LDLRAD2: variants seen among roughly 807,000 people sequenced by gnomAD.
The protein encoded by LDLRAD2 is low-density lipoprotein receptor class A domain-containing protein 2.
LDLRAD2 carries 25 observed loss-of-function variants against 24.9 expected under a neutral mutation model. That is an observed-to-expected ratio of 1.00 (90% CI 0.73 to 1.40). The LOEUF (loss-of-function observed/expected upper bound fraction) is 1.40. Among genes scored for constraint, LDLRAD2 ranks in the 40% most tolerant of loss-of-function variants. The pLI is 0.00. For missense variants in LDLRAD2, 391 were observed against 366.2 expected (o/e 1.07, Z -0.55); for synonymous variants, 182 against 166.7 (o/e 1.09, Z -0.71).
Position 21,824,226 on chromosome 1 carries a change from A to C in LDLRAD2, c.*2011A>C. 1 of 1,613,448 alleles carries C rather than the reference A, an allele frequency of 6.2e-7. No individual in the cohort carries two copies. Among genetic ancestry groups the C allele is most frequent in the Non-Finnish European group, 8.5e-7 (1 of 1,179,722 alleles). On this transcript the variant is annotated 3_prime_UTR_variant, in exon 5 of 5. Transcript: ENST00000344642. The surrounding 1 kb of genome is among the most constrained non-coding windows in gnomAD (Gnocchi z 5.9). ...GTACCTGCAGTCATCCAGGCCCAAG[A>C]AGTATGAGCTGGGGCAGGACCGGGG... is the stretch of plus-strand genomic sequence containing the variant.
chr1:21,816,115 A>AG, intron 3 of LDLRAD2, 41 bp downstream of exon 3: 1 of 1,601,946 alleles, frequency 6.2e-7, no homozygotes, highest in Non-Finnish European at 8.5e-7. Flanking sequence ...GAACAGCTGG[A>AG]GGGAAGCCTG....
intron 3 of LDLRAD2, among the ~76,000 whole-genome samples, chr1:21,818,219 A>T (rs374333816): frequency 2.1e-5 from 3 of 144,810 alleles, no homozygotes; most frequent in Non-Finnish European, 3.0e-5. Context: ...TCCATGTTGG[A>T]CAGGCTGGTC....
chr1:21,823,808 C>A lies in LDLRAD2; in HGVS notation c.*1593C>A, dbSNP rs1230087158. ...GAGTCCCCTCCCTCTGATATCGAGACTCCAGACTCAGAAGTCTGTCCCTGT... is the reference window on the plus strand; with the variant it reads ...GAGTCCCCTCCCTCTGATATCGAGAATCCAGACTCAGAAGTCTGTCCCTGT... On this transcript the variant is annotated 3_prime_UTR_variant, in exon 5 of 5. Coordinates refer to ENST00000344642, the MANE Select transcript of LDLRAD2 (RefSeq NM_001013693.3). The A allele has an allele frequency of 2.0e-6, 2 of 998,046 alleles. No individual in the cohort carries two copies. The highest frequency in any genetic ancestry group is 1.6e-5 in the African/African-American group (1 of 63,404). 61.8% of individuals were successfully genotyped at this position (998,046 alleles called of 1,614,324 possible).
At chr1:21,814,874 G>T in intron 2 of LDLRAD2, 51 bp downstream of exon 2, 1 of 1,402,606 alleles carries the variant, frequency 7.1e-7, no homozygotes, top group South Asian at 1.7e-5. Flanking sequence ...GGCCATGCGG[G>T]ACTGGGGCCA....
intron 3 of LDLRAD2, among the ~76,000 whole-genome samples, chr1:21,818,512 A>G (rs567255732): frequency 6.6e-6 from 1 of 152,326 alleles, no homozygotes; most frequent in African/African-American, 2.4e-5. Flanking sequence ...GTGAAATGCC[A>G]TCTTCATCAC....
intron 3 of LDLRAD2, 140 bp from the exon 4 acceptor site, chr1:21,821,310 A>T: frequency 1.8e-6 from 2 of 1,103,408 alleles, no homozygotes; most frequent in Non-Finnish European, 2.6e-6. Context: ...AGCTAATTGA[A>T]CTCGGCAAGT....
intron 3 of LDLRAD2, among the ~76,000 whole-genome samples, chr1:21,818,232 A>G (rs868357802): frequency 2.7e-5 from 4 of 147,538 alleles, no homozygotes; most frequent in Admixed American, 6.8e-5. Context: ...GGCTGGTCTC[A>G]AACTCCTGAC....
chr1:21,816,715 G>A (rs1462978795), intron 3 of LDLRAD2, among the ~76,000 whole-genome samples: 1 of 152,066 alleles, frequency 6.6e-6, no homozygotes, highest in Non-Finnish European at 1.5e-5. Flanking sequence ...TTGAACAGGG[G>A]TGAAATGCAG....
At chr1:21,814,333 G>A in intron 1 of LDLRAD2, 65 bp from the exon 2 acceptor site, 1 of 1,365,532 alleles carries the variant, frequency 7.3e-7, no homozygotes, top group South Asian at 1.4e-5. Context: ...CACACAGCGG[G>A]CAGGGGACAG....
At position 21,824,605 on chromosome 1, in the gene LDLRAD2, C is replaced by A. The variant is rs760832004; in HGVS notation, c.*2390C>A. On this transcript the variant is annotated 3_prime_UTR_variant, in exon 5 of 5. Coordinates refer to ENST00000344642, the MANE Select transcript of LDLRAD2 (RefSeq NM_001013693.3). The surrounding 1 kb of genome is among the most constrained non-coding windows in gnomAD (Gnocchi z 5.9). ...ACCTCCAGCTCGATGGTCTCGGGCA[C>A]CTCGGGCAGGCTGCGGAGGAAGAGC... 8 of 1,613,970 alleles carry A rather than the reference C, an allele frequency of 5.0e-6. No homozygotes were observed. The highest frequency in any genetic ancestry group is 6.8e-6 in the Non-Finnish European group (8 of 1,180,054).
At chr1:21,816,122 C>G (rs1325036014) in intron 3 of LDLRAD2, 48 bp downstream of exon 3, 1 of 1,597,590 alleles carries the variant, frequency 6.3e-7, no homozygotes, top group Non-Finnish European at 8.5e-7. Flanking sequence ...TGGAGGGAAG[C>G]CTGGCCCTAA....
intron 4 of LDLRAD2, 103 bp downstream of exon 4, chr1:21,821,714 C>G: frequency 6.5e-7 from 1 of 1,545,476 alleles, no homozygotes; most frequent in Non-Finnish European, 8.7e-7. Flanking sequence ...TGGACTTTCT[C>G]TTCCCACAGG....
Position 21,815,969 on chromosome 1 carries a change from C to T in LDLRAD2, c.538C>T (p.Gln180Ter), listed in dbSNP as rs867895049. ...LGPCGAYFRCQNGRCIPSSLV... is the reference protein window; with the variant it reads ...LGPCGAYFRC The stretch of plus-strand genomic sequence containing the variant: ...ACCTTGTGGTGCCTACTTCCGCTGC[C>T]AGAATGGCAGGTGCATCCCCTCAAG... Residue 180 changes from glutamine to a stop codon, truncating the protein, a stop_gained, in exon 3 of 5, where the codon CAG becomes TAG. Transcript: ENST00000344642. LOFTEE classifies it high-confidence loss of function. 4 of 1,614,020 alleles carry T rather than the reference C, an allele frequency of 2.5e-6. No homozygotes were observed. The Admixed American group carries it at 5.0e-5, about 20-fold the overall frequency.
At chr1:21,815,730 G>C (rs968138277) in intron 2 of LDLRAD2, among the ~76,000 whole-genome samples, 1 of 152,182 alleles carries the variant, frequency 6.6e-6, no homozygotes, top group Non-Finnish European at 1.5e-5. Context: ...TAGTATTTAC[G>C]GCTGTGCATG....
intron 1 of LDLRAD2, 55 bp downstream of exon 1, chr1:21,812,591 C>T: frequency 7.0e-7 from 1 of 1,421,278 alleles, no homozygotes; most frequent in Non-Finnish European, 9.9e-7. Context: ...CCCCACCATC[C>T]TTAGAGACTA....
chr1:21,818,852 C>A (rs559775315), intron 3 of LDLRAD2, among the ~76,000 whole-genome samples: 74 of 151,192 alleles, frequency 4.9e-4, no homozygotes, highest in African/African-American at 1.7e-3. Context: ...CTGGCCTCGC[C>A]TCTTCCTTCC....
In LDLRAD2 at chr1:21,821,690, G is replaced by A. The variant is rs554781443; in HGVS notation, c.805+79G>A. On this transcript the variant is annotated intron_variant, in intron 4 of 4. Coordinates refer to ENST00000344642, the MANE Select transcript of LDLRAD2 (RefSeq NM_001013693.3). ...TGATGGGGACGGGGCAGAGGACCCA[G>A]GCCGAGGCCTGAGTGGACTTTCTCT... is the stretch of plus-strand genomic sequence containing the variant. 41 of 1,571,204 alleles carry A rather than the reference G, an allele frequency of 2.6e-5. No individual in the cohort carries two copies. The South Asian group carries it at 4.7e-4, about 18-fold the overall frequency.
Position 21,814,671 on chromosome 1 carries a change from CGGGGGCGCCCCGGCCCCTGGG to C in LDLRAD2, c.361_381del (p.Gly121_Gly127del). 6.3e-7 allele frequency: 1 copy of C among 1,585,216 alleles called. No individual in the cohort carries two copies. The highest frequency in any genetic ancestry group is 8.6e-7 in the Non-Finnish European group (1 of 1,166,842). Reference sequence around the variant, plus strand: ...TACCTGCAGTTCTACGAGGGCCCGCCGGGGGCGCCCCGGCCCCTGGGGTCCCCACTGTGCGGCCTGAACATC... The same window carrying C: ...TACCTGCAGTTCTACGAGGGCCCGCCGTCCCCACTGTGCGGCCTGAACATC... On this transcript the variant is annotated inframe_deletion, in exon 2 of 5. Transcript: ENST00000344642.
At chr1:21,817,310 C>G (rs917791537) in intron 3 of LDLRAD2, among the ~76,000 whole-genome samples, 1 of 152,132 alleles carries the variant, frequency 6.6e-6, no homozygotes, top group Non-Finnish European at 1.5e-5. Context: ...CCTGGGGGAG[C>G]CTTCTTTTTC....
Sources: gnomAD v4.1 joint callset for allele counts (sites outside exome capture counted in the v4.1 genomes callset) on GRCh38, gnomAD v4.1.1 for gene constraint, Gnocchi (gnomAD v3.1) non-coding constraint, MANE v1.5 for transcripts, NCBI Gene and HGNC (gene_info 2026-07-23, HGNC 2026-07-21) for gene names.